Variants in FLT1 observed in about 807,000 individuals in gnomAD.
FLT1 encodes the protein fms related receptor tyrosine kinase 1.
Under a neutral mutation model 156.3 loss-of-function variants are expected in FLT1, and 49 were observed. The ratio of observed to expected loss-of-function variants is 0.31; its 90% CI spans 0.25 to 0.40. The LOEUF (loss-of-function observed/expected upper bound fraction) is 0.40, where lower values mean the gene tolerates loss of function less well. Among genes scored for constraint, FLT1 ranks in the 10% least tolerant of loss-of-function variants. The pLI is 1.00. For missense variants in FLT1, 1,322 were observed against 1,637.2 expected (o/e 0.81, Z 3.32); for synonymous variants, 594 against 583.8 (o/e 1.02, Z -0.25).
intron 1 of FLT1, among the ~76,000 whole-genome samples, chr13:28,478,659 A>G (rs1338397870): frequency 1.3e-5 from 2 of 152,320 alleles, no homozygotes; most frequent in East Asian, 3.9e-4. Context: ...TGAATATGTC[A>G]TGGAGCTGTA....
intron 3 of FLT1, among the ~76,000 whole-genome samples, chr13:28,465,838 A>AC (rs1240369110): frequency 2.7e-5 from 4 of 147,580 alleles, no homozygotes; most frequent in African/African-American, 8.0e-5. Flanking sequence ...TCCATCTCAA[A>AC]AAAACAAACA....
At chr13:28,424,796 G>C (rs1877246458) in intron 10 of FLT1, among the ~76,000 whole-genome samples, 1 of 152,146 alleles carries the variant, frequency 6.6e-6, no homozygotes, top group Non-Finnish European at 1.5e-5. Context: ...ATCATGTATA[G>C]ACACCAGTAT....
In FLT1 at chr13:28,312,089, G is replaced by T; in HGVS notation, c.3396C>A (p.Ile1132=). ...GGTCTCTGTGCCAGCAGTCCAGCAT[G>T]ATCTGATAGCTGGTGGGGAAAACAG... ...PEYSTPEIYQ[I]MLDCWHRDPK... is the part of the protein sequence containing the mutation. The change falls in exon 26 of 30, where the codon ATC becomes ATA. Residue 1132 remains isoleucine, a synonymous_variant. Coordinates refer to ENST00000282397, the MANE Select transcript of FLT1 (RefSeq NM_002019.4). The T allele has an allele frequency of 1.2e-6, 2 of 1,609,432 alleles. No individual in the cohort carries two copies. The highest frequency in any genetic ancestry group is 1.7e-6 in the Non-Finnish European group (2 of 1,175,768).
At chr13:28,420,390 A>T (rs1308512631) in intron 10 of FLT1, among the ~76,000 whole-genome samples, 25 of 152,300 alleles carry the variant, frequency 1.6e-4, no homozygotes, top group Admixed American at 1.6e-3. Flanking sequence ...GGTAAATTAA[A>T]ATTCTCTGTA....
At chr13:28,408,528 G>A (rs1875946570) in intron 10 of FLT1, among the ~76,000 whole-genome samples, 1 of 152,200 alleles carries the variant, frequency 6.6e-6, no homozygotes, top group Non-Finnish European at 1.5e-5. Flanking sequence ...GATTTAGGGG[G>A]AGGGGAATGT....
intron 15 of FLT1, among the ~76,000 whole-genome samples, chr13:28,355,336 C>T (rs1424469444): frequency 2.0e-5 from 3 of 152,186 alleles, no homozygotes; most frequent in Admixed American, 6.5e-5. Flanking sequence ...AAGTCCAGCA[C>T]AGCGCCTGCA....
Position 28,330,876 on chromosome 13 carries a change from G to A in FLT1, c.2594-1148C>T, listed in dbSNP as rs569436998. ...TTACAGGTGTGTGCCACAATGCTTGGCTAATTTTTGTATTTTTAGTAGAGA... is the reference window on the plus strand; with the variant it reads ...TTACAGGTGTGTGCCACAATGCTTGACTAATTTTTGTATTTTTAGTAGAGA... On this transcript the variant is annotated intron_variant, in intron 18 of 29. Transcript: ENST00000282397. Among the ~76,000 whole-genome samples, 3 of 152,000 alleles carry A rather than the reference G, an allele frequency of 2.0e-5. No homozygotes were observed. The East Asian group carries it at 5.8e-4, about 29-fold the overall frequency.
intron 10 of FLT1, among the ~76,000 whole-genome samples, chr13:28,419,645 C>T (rs1015895144): frequency 2.0e-5 from 3 of 152,102 alleles, no homozygotes; most frequent in Non-Finnish European, 4.4e-5. Flanking sequence ...TTTGGGAGGC[C>T]GAGGCGGATG....
At chr13:28,369,239 T>C (rs2137425480) in intron 14 of FLT1, among the ~76,000 whole-genome samples, 1 of 152,142 alleles carries the variant, frequency 6.6e-6, no homozygotes, top group African/African-American at 2.4e-5. Context: ...AATTGGAAAA[T>C]GAAGGCCAGG....
chr13:28,341,963 A>G (rs1872350317), intron 16 of FLT1, among the ~76,000 whole-genome samples: 1 of 152,016 alleles, frequency 6.6e-6, no homozygotes, highest in African/African-American at 2.4e-5. Flanking sequence ...GCTCACTGCA[A>G]CCTCTGCCTC....
chr13:28,427,374 C>T (rs868584167), intron 9 of FLT1, 56 bp from the exon 10 acceptor site: 2 of 1,526,070 alleles, frequency 1.3e-6, no homozygotes, highest in Non-Finnish European at 1.8e-6. Context: ...ATGACTTTCT[C>T]CTGGGCCACA....
chr13:28,404,392 TG>T (rs1875656498), intron 11 of FLT1, among the ~76,000 whole-genome samples: 3 of 152,228 alleles, frequency 2.0e-5, no homozygotes, highest in Non-Finnish European at 4.4e-5. Context: ...AAGCTGTCTT[TG>T]GGTTAATCAT....
At chr13:28,333,878 C>A in intron 18 of FLT1, 147 bp downstream of exon 18, 1 of 724,224 alleles carries the variant, frequency 1.4e-6, no homozygotes, top group South Asian at 1.5e-5. Context: ...AACTCGTGAG[C>A]AAAGAGGCCT....
chr13:28,397,971 A>G (rs1331894076), intron 11 of FLT1, among the ~76,000 whole-genome samples: 1 of 152,198 alleles, frequency 6.6e-6, no homozygotes, highest in African/African-American at 2.4e-5. Flanking sequence ...AGCACTTTCC[A>G]AATTCTGATG....
intron 15 of FLT1, among the ~76,000 whole-genome samples, chr13:28,348,432 A>G (rs1347371925): frequency 1.3e-5 from 2 of 152,086 alleles, no homozygotes; most frequent in Non-Finnish European, 2.9e-5. Flanking sequence ...CACAGTTCTT[A>G]TAGTTTCTTA....
intron 7 of FLT1, among the ~76,000 whole-genome samples, chr13:28,430,438 CA>C (rs1163241233): frequency 3.3e-5 from 5 of 152,158 alleles, no homozygotes; most frequent in Admixed American, 2.0e-4. Flanking sequence ...ATATCTCTAT[CA>C]CAATAACAAA....
At chr13:28,310,625 A>C (rs777993805) in intron 27 of FLT1, among the ~76,000 whole-genome samples, 10 of 152,178 alleles carry the variant, frequency 6.6e-5, no homozygotes, top group Non-Finnish European at 1.2e-4. Flanking sequence ...CCGGGCCAGC[A>C]GTGGCCACAG....
At chr13:28,425,462 C>T (rs1472836213) in intron 10 of FLT1, among the ~76,000 whole-genome samples, 2 of 152,156 alleles carry the variant, frequency 1.3e-5, no homozygotes, top group African/African-American at 4.8e-5. Flanking sequence ...GGAAAGAAAG[C>T]TAATGTTTAC....
At chr13:28,380,061 C>A (rs1874010560) in intron 14 of FLT1, among the ~76,000 whole-genome samples, 1 of 152,136 alleles carries the variant, frequency 6.6e-6, no homozygotes, top group African/African-American at 2.4e-5. Context: ...CCTTTTTGAG[C>A]TGCCAGGCTT....
Sources: gnomAD v4.1 joint callset for allele counts (sites outside exome capture counted in the v4.1 genomes callset) on GRCh38, gnomAD v4.1.1 for gene constraint, MANE v1.5 for transcripts, NCBI Gene and HGNC (gene_info 2026-07-23, HGNC 2026-07-21) for gene names.